Variants in MAGT1 observed in about 807,000 individuals in gnomAD.
The protein encoded by MAGT1 is dolichyl-diphosphooligosaccharide--protein glycosyltransferase subunit MAGT1.
In MAGT1, 4 loss-of-function variants were observed where a neutral mutation model predicts 28.4. The observed-to-expected ratio is 0.14, with a 90% CI of 0.07 to 0.32. The LOEUF (loss-of-function observed/expected upper bound fraction) is 0.32. Among genes scored for constraint, MAGT1 ranks in the 10% least tolerant of loss-of-function variants. The probability of loss-of-function intolerance (pLI) is 1.00; values close to 1 mark genes in which losing one functional copy is unlikely to be tolerated. For synonymous variants in MAGT1, 89 were observed against 89.7 expected (o/e 0.99, Z 0.04); for missense variants, 193 against 264.5 (o/e 0.73, Z 1.88).
chrX:77,849,081 T>A (rs1173774173), intron 7 of MAGT1, among the ~76,000 whole-genome samples: 2 of 108,839 alleles, frequency 1.8e-5, no homozygotes, highest in African/African-American at 6.7e-5. Flanking sequence ...TTTCTTTTTT[T>A]TTTTTTTTAT....
Position 77,886,736 on chromosome X carries a change from C to T in MAGT1, c.102+8573G>A, listed in dbSNP as rs141962638. Among the ~76,000 whole-genome samples, 11 of 111,543 alleles carry T rather than the reference C, an allele frequency of 9.9e-5. No individual in the cohort carries two copies. In the East Asian group the frequency reaches 2.8e-3, roughly 28 times the overall value. ...GATTCAGTAAGTCCAGGGCAGATTCCAAGAATATTGAATTTTAACATGTTA... is the reference window on the plus strand; with the variant it reads ...GATTCAGTAAGTCCAGGGCAGATTCTAAGAATATTGAATTTTAACATGTTA... On this transcript the variant is annotated intron_variant, in intron 1 of 9. Coordinates refer to ENST00000618282, the MANE Select transcript of MAGT1 (RefSeq NM_001367916.1).
intron 9 of MAGT1, among the ~76,000 whole-genome samples, chrX:77,830,357 T>A (rs1445671613): frequency 2.7e-5 from 3 of 111,865 alleles, no homozygotes; most frequent in Non-Finnish European, 5.6e-5. Flanking sequence ...CAGTGGCTCA[T>A]GCCTATAATC....
At chrX:77,856,687 T>C (rs1294385426) in intron 5 of MAGT1, 46 bp downstream of exon 5, 2 of 1,155,626 alleles carry the variant, frequency 1.7e-6, no homozygotes, top group Non-Finnish European at 2.4e-6. Flanking sequence ...AATACACTAT[T>C]AGGAATTTTA....
intron 1 of MAGT1, 74 bp downstream of exon 1, chrX:77,895,235 G>A: frequency 9.1e-7 from 1 of 1,093,080 alleles, no homozygotes; most frequent in Non-Finnish European, 1.3e-6. Flanking sequence ...AAAGGGGGCT[G>A]GGAAGAGGCG....
chrX:77,884,687 T>A (rs1449513969), intron 1 of MAGT1, among the ~76,000 whole-genome samples: 5 of 108,598 alleles, frequency 4.6e-5, no homozygotes, highest in African/African-American at 1.7e-4. Flanking sequence ...TACATGCCAG[T>A]AGCACCCTCC....
At chrX:77,842,980 T>A (rs1451230204) in intron 7 of MAGT1, among the ~76,000 whole-genome samples, 1 of 112,135 alleles carries the variant, frequency 8.9e-6, no homozygotes, top group Non-Finnish European at 1.9e-5. Context: ...AAGTTCAAAT[T>A]TTAAAGCAAA....
At chrX:77,842,540 A>G (rs1477561411) in intron 7 of MAGT1, among the ~76,000 whole-genome samples, 4 of 111,896 alleles carry the variant, frequency 3.6e-5, no homozygotes, top group African/African-American at 1.3e-4. Context: ...AAAAAGAAAA[A>G]TCCTGGCCGT....
chrX:77,875,554 T>C lies in MAGT1; in HGVS notation c.146A>G (p.Asn49Ser), dbSNP rs782526149. 2 of 1,209,731 alleles carry C rather than the reference T, an allele frequency of 1.7e-6. No individual in the cohort carries two copies. Among genetic ancestry groups the C allele is most frequent in the East Asian group, 5.9e-5 (2 of 33,784 alleles). The change falls in exon 2 of 10, where the codon AAC (asparagine) becomes AGC (serine). Residue 49 changes from asparagine to serine, a missense_variant. Physicochemically the swap from Asn to Ser is conservative, Grantham distance 46 (BLOSUM62 1). Coordinates refer to ENST00000618282, the MANE Select transcript of MAGT1 (RefSeq NM_001367916.1). Reference sequence around the variant, plus strand: ...ATTCATTCTTATTACAGGTCTTTTGTTAGTCCATTCCATCAGCTGACTAAC... The same window carrying C: ...ATTCATTCTTATTACAGGTCTTTTGCTAGTCCATTCCATCAGCTGACTAAC... ...EKVSQLMEWT[N>S]KRPVIRMNGD...
At chrX:77,832,548 C>T (rs1387523330) in intron 8 of MAGT1, among the ~76,000 whole-genome samples, 2 of 110,996 alleles carry the variant, frequency 1.8e-5, no homozygotes, top group African/African-American at 3.3e-5. Flanking sequence ...AATCAATTTT[C>T]GGCCGGGCGC....
At chrX:77,848,617 A>G (rs913124111) in intron 7 of MAGT1, among the ~76,000 whole-genome samples, 1 of 112,087 alleles carries the variant, frequency 8.9e-6, no homozygotes, top group South Asian at 3.6e-4. Flanking sequence ...CATACACAAC[A>G]TGTCTACAAG....
intron 8 of MAGT1, among the ~76,000 whole-genome samples, chrX:77,835,537 C>G (rs1262950618): frequency 9.0e-6 from 1 of 111,098 alleles, no homozygotes; most frequent in African/African-American, 3.3e-5. Flanking sequence ...GGAGGTTCCT[C>G]AAAAAACTAA....
At chrX:77,863,282 G>A (rs1557216593) in intron 3 of MAGT1, among the ~76,000 whole-genome samples, 1 of 110,665 alleles carries the variant, frequency 9.0e-6, no homozygotes, top group African/African-American at 3.3e-5. Flanking sequence ...GGAGGCCGAG[G>A]TGGGCGGATC....
intron 3 of MAGT1, among the ~76,000 whole-genome samples, chrX:77,860,139 C>T (rs1460087115): frequency 1.8e-5 from 2 of 111,470 alleles, no homozygotes; most frequent in Admixed American, 9.6e-5. Flanking sequence ...GGCTGGAGTG[C>T]GTTGGCGCAA....
chrX:77,877,720 G>C (rs2077039353), intron 1 of MAGT1, among the ~76,000 whole-genome samples: 1 of 107,299 alleles, frequency 9.3e-6, no homozygotes, highest in Non-Finnish European at 1.9e-5. Context: ...GGCTGAGGCA[G>C]GAGAATCGCT....
At chrX:77,874,880 A>C (rs1483956872) in intron 2 of MAGT1, among the ~76,000 whole-genome samples, 1 of 106,504 alleles carries the variant, frequency 9.4e-6, no homozygotes, top group African/African-American at 3.4e-5. Context: ...TTTTTGAGAC[A>C]GTCTCGCTCT....
intron 1 of MAGT1, among the ~76,000 whole-genome samples, chrX:77,880,482 C>T (rs781938438): frequency 7.1e-4 from 77 of 109,172 alleles, no homozygotes; most frequent in African/African-American, 2.2e-3. Context: ...GAGCCGAGAC[C>T]GCACCACTGC....
At chrX:77,847,707 T>C (rs889666885) in intron 7 of MAGT1, among the ~76,000 whole-genome samples, 4 of 105,917 alleles carry the variant, frequency 3.8e-5, no homozygotes, top group African/African-American at 1.4e-4. Context: ...GCCTCCCGGG[T>C]TCAAGAAATT....
chrX:77,847,768 C>T (rs891621920), intron 7 of MAGT1, among the ~76,000 whole-genome samples: 5 of 110,011 alleles, frequency 4.5e-5, no homozygotes, highest in Admixed American at 2.0e-4. Context: ...CATGCCACCA[C>T]GCCTGGCTAA....
intron 1 of MAGT1, among the ~76,000 whole-genome samples, chrX:77,885,967 G>A (rs782081831): frequency 1.8e-5 from 2 of 111,174 alleles, no homozygotes; most frequent in East Asian, 2.8e-4. Flanking sequence ...GTGACAGAGC[G>A]AGACTCCGTC....
Sources: gnomAD v4.1 joint callset for allele counts (sites outside exome capture counted in the v4.1 genomes callset) on GRCh38, gnomAD v4.1.1 for gene constraint, MANE v1.5 for transcripts, NCBI Gene and HGNC (gene_info 2026-07-23, HGNC 2026-07-21) for gene names.